PDZD2: variants seen among roughly 807,000 people sequenced by gnomAD.
PDZD2 encodes the protein PDZ domain-containing protein 2.
In PDZD2, 90 loss-of-function variants were observed where a neutral mutation model predicts 220.7. That is an observed-to-expected ratio of 0.41 (90% CI 0.34 to 0.49). The LOEUF (loss-of-function observed/expected upper bound fraction) is 0.49, where lower values mean the gene tolerates loss of function less well. PDZD2 is among the 20% of genes least tolerant of loss of function. PDZD2 has a pLI of 0.28. For missense variants in PDZD2, 3,174 were observed against 3,608.5 expected (o/e 0.88, Z 3.08); for synonymous variants, 1,375 against 1,450.5 (o/e 0.95, Z 1.18).
intron 1 of PDZD2, among the ~76,000 whole-genome samples, chr5:31,752,077 T>TTTTTTTTTTTTTG (rs1751026278): frequency 8.5e-6 from 1 of 118,126 alleles, no homozygotes; most frequent in Non-Finnish European, 1.7e-5. Flanking sequence ...GGGTTTGTTT[T>TTTTTTTTTTTTTG]TTTTTTTTTT....
chr5:32,008,136 AAAAT>A (rs141877198), intron 5 of PDZD2, among the ~76,000 whole-genome samples: 38,679 of 143,704 alleles, frequency 0.27, 5,354 homozygotes, highest in Admixed American at 0.33. Context: ...TAAAATAATA[AAAAT>A]AAATAAATAA....
chr5:31,905,987 G>A (rs907607293), intron 2 of PDZD2, among the ~76,000 whole-genome samples: 11 of 151,082 alleles, frequency 7.3e-5, no homozygotes, highest in African/African-American at 2.4e-4. Flanking sequence ...TGCTAAGAGT[G>A]AAATTGAGGT....
rs1756070359 is a variant in PDZD2 at position 31,824,118 on chromosome 5, A to G, written c.476+24394A>G. ...ATGAAGGTCAAAGTGATCTTTTTGC[A>G]CCTGCTGTTTTTCAAGTGCCTTTAA... On this transcript the variant is annotated intron_variant, in intron 2 of 24. Coordinates refer to ENST00000438447, the MANE Select transcript of PDZD2 (RefSeq NM_178140.4). 2.0e-5 allele frequency among the ~76,000 whole-genome samples: 3 copies of G among 152,142 alleles called. No individual in the cohort carries two copies. The South Asian group carries it at 6.2e-4, about 32-fold the overall frequency.
chr5:31,973,495 C>T (rs1250686120), intron 2 of PDZD2, among the ~76,000 whole-genome samples: 1 of 152,202 alleles, frequency 6.6e-6, no homozygotes, highest in East Asian at 1.9e-4. Context: ...AGAACTACCT[C>T]TGCTTCAGCA....
chr5:31,948,963 G>A (rs1193806664), intron 2 of PDZD2, among the ~76,000 whole-genome samples: 1 of 151,958 alleles, frequency 6.6e-6, no homozygotes, highest in Non-Finnish European at 1.5e-5. Context: ...GCTGGGAGTA[G>A]TGGCAAGCGC....
At chr5:31,996,109 G>T (rs1217526700) in intron 4 of PDZD2, among the ~76,000 whole-genome samples, 1 of 152,184 alleles carries the variant, frequency 6.6e-6, no homozygotes, top group Admixed American at 6.5e-5. Context: ...AATGACCCGG[G>T]AAAGTGATTG....
chr5:31,980,953 CTT>C (rs992585802), intron 2 of PDZD2, among the ~76,000 whole-genome samples: 1 of 152,016 alleles, frequency 6.6e-6, no homozygotes, highest in African/African-American at 2.4e-5. Flanking sequence ...CTGTGGTTAA[CTT>C]TTGTATTTTT....
chr5:31,893,430 G>GGTA (rs1741245356), intron 2 of PDZD2, among the ~76,000 whole-genome samples: 1 of 152,072 alleles, frequency 6.6e-6, no homozygotes, highest in African/African-American at 2.4e-5. Flanking sequence ...TTAGCCACAC[G>GGTA]TGGTGGTCCA....
chr5:31,811,991 A>AAAATAAAT (rs369835690), intron 2 of PDZD2, among the ~76,000 whole-genome samples: 4,078 of 138,834 alleles, frequency 0.029, 84 homozygotes, highest in East Asian at 0.081. Flanking sequence ...CTCTGTCTCA[A>AAAATAAAT]AAATAAATAA....
rs111846142 is a variant in PDZD2, at chr5:31,776,934, G to A, written c.-360-21955G>A. On this transcript the variant is annotated intron_variant, in intron 1 of 24. Coordinates refer to ENST00000438447, the MANE Select transcript of PDZD2 (RefSeq NM_178140.4). Reference sequence around the variant, plus strand: ...TTGGCCTCCCAAAATGCTAGTGAGGGGTGACAACGTGCTGGCGGCCCTCAC... The same window carrying A: ...TTGGCCTCCCAAAATGCTAGTGAGGAGTGACAACGTGCTGGCGGCCCTCAC... 5.1e-3 allele frequency among the ~76,000 whole-genome samples: 775 copies of A among 152,152 alleles called. 3 individuals carry two copies. The highest frequency in any genetic ancestry group is 0.018 in the African/African-American group (733 of 41,514).
At chr5:31,726,843 C>T (rs2150152474) in intron 1 of PDZD2, among the ~76,000 whole-genome samples, 1 of 152,260 alleles carries the variant, frequency 6.6e-6, no homozygotes, top group Non-Finnish European at 1.5e-5. Context: ...AAAGAAATAC[C>T]TAAGACCGGG....
chr5:31,695,592 A>T (rs1314208902), intron 1 of PDZD2, among the ~76,000 whole-genome samples: 2 of 152,322 alleles, frequency 1.3e-5, no homozygotes, highest in East Asian at 3.9e-4. Context: ...CTGAAGACTG[A>T]GTTTTCTGAT....
At chr5:31,996,476 T>C (rs1476934488) in intron 4 of PDZD2, among the ~76,000 whole-genome samples, 1 of 152,012 alleles carries the variant, frequency 6.6e-6, no homozygotes, top group Non-Finnish European at 1.5e-5. Context: ...TCTGGGAGGC[T>C]GAGGCGGATC....
intron 2 of PDZD2, among the ~76,000 whole-genome samples, chr5:31,895,088 C>T (rs1398235438): frequency 6.6e-6 from 1 of 152,204 alleles, no homozygotes; most frequent in African/African-American, 2.4e-5. Flanking sequence ...CGGGATTTCA[C>T]CATGTTGGCC....
intron 1 of PDZD2, among the ~76,000 whole-genome samples, chr5:31,709,995 T>A (rs896518759): frequency 1.3e-5 from 2 of 152,068 alleles, no homozygotes; most frequent in Non-Finnish European, 2.9e-5. Context: ...CTCTAAAAAC[T>A]GGTTGAAAAG....
In PDZD2 at chr5:31,917,606, C is replaced by T. The variant is rs562173700; in HGVS notation, c.477-65549C>T. On this transcript the variant is annotated intron_variant, in intron 2 of 24. Transcript: ENST00000438447. ...ATTCTGGAAGGATTTCCCAAGAGCT[C>T]AGAGTAGAGGTGCCTGTGAGACTTG... 3.9e-5 allele frequency among the ~76,000 whole-genome samples: 6 copies of T among 152,298 alleles called. No individual in the cohort carries two copies. The South Asian group carries it at 1.2e-3, about 32-fold the overall frequency.
intron 1 of PDZD2, chr5:31,742,436 G>A (rs1428045094): frequency 1.5e-5 from 2 of 133,138 alleles, no homozygotes; most frequent in Admixed American, 7.8e-5. Context: ...TCATTTCCCC[G>A]GGCCCTGACA....
intron 10 of PDZD2, among the ~76,000 whole-genome samples, chr5:32,057,423 C>A (rs1441994783): frequency 6.6e-6 from 1 of 152,156 alleles, no homozygotes; most frequent in East Asian, 1.9e-4. Flanking sequence ...TTTCATGCTT[C>A]CCATAGTTAT....
intron 2 of PDZD2, among the ~76,000 whole-genome samples, chr5:31,951,319 C>G (rs1317494191): frequency 6.6e-6 from 1 of 152,188 alleles, no homozygotes; most frequent in Admixed American, 6.5e-5. Flanking sequence ...CCTCCTGCCT[C>G]AGCCTCTCAA....
Sources: allele counts gnomAD v4.1 joint callset (sites outside exome capture counted in the v4.1 genomes callset), GRCh38; gene constraint gnomAD v4.1.1; transcripts MANE v1.5; gene names NCBI Gene and HGNC (gene_info 2026-07-23, HGNC 2026-07-21).